The following ITPKC variants were observed in gnomAD, a reference collection of about 807,000 sequenced individuals.
ITPKC encodes inositol-trisphosphate 3-kinase C, also known as IP3 3-kinase C.
A neutral mutation model predicts 67.1 loss-of-function variants in ITPKC; 33 were observed. The observed-to-expected ratio is 0.49, with a 90% CI of 0.37 to 0.66. ITPKC has a LOEUF of 0.66. Ranked by LOEUF, ITPKC falls within the 30% of genes least tolerant of loss-of-function variation. The probability of loss-of-function intolerance (pLI) is 0.00; values close to 1 mark genes in which losing one functional copy is unlikely to be tolerated. For synonymous variants in ITPKC, 341 were observed against 359.8 expected (o/e 0.95, Z 0.59); for missense variants, 820 against 892.1 (o/e 0.92, Z 1.03).
chr19:40,730,991 A>G (rs2082268088), intron 3 of ITPKC, among the ~76,000 whole-genome samples: 1 of 151,522 alleles, frequency 6.6e-6, no homozygotes, highest in Non-Finnish European at 1.5e-5. Context: ...TACAGACACC[A>G]GTCATAAGTT....
intron 1 of ITPKC, among the ~76,000 whole-genome samples, chr19:40,720,768 G>A (rs2082218287): frequency 6.6e-6 from 1 of 151,960 alleles, no homozygotes; most frequent in Admixed American, 6.6e-5. Flanking sequence ...ACACTCTTCT[G>A]TTGTCCTGCC....
Position 40,718,193 on chromosome 19 carries a change from G to A in ITPKC, c.1058G>A (p.Gly353Asp). ...PVGPPSRVEGGSGGFSSASSF... is the reference protein window; with the variant it reads ...PVGPPSRVEGDSGGFSSASSF... Reference sequence around the variant, plus strand: ...GGACCCCCCTCCCGGGTTGAGGGGGGCAGCGGCGGCTTCTCCTCTGCCTCT... The same window carrying A: ...GGACCCCCCTCCCGGGTTGAGGGGGACAGCGGCGGCTTCTCCTCTGCCTCT... The change falls in exon 1 of 7, where the codon GGC becomes GAC. Residue 353 changes from glycine (G) to aspartate (D), a missense_variant. By Grantham distance (94) the Gly-to-Asp change is moderately conservative. Coordinates refer to ENST00000263370, the MANE Select transcript of ITPKC (RefSeq NM_025194.3). The A allele has an allele frequency of 1.3e-6, 2 of 1,573,486 alleles. No homozygotes were observed. Among genetic ancestry groups the A allele is most frequent in the Non-Finnish European group, 1.7e-6 (2 of 1,163,186 alleles).
chr19:40,722,551 G>A (rs1000243964), intron 1 of ITPKC, among the ~76,000 whole-genome samples: 3 of 152,092 alleles, frequency 2.0e-5, no homozygotes, highest in Admixed American at 6.6e-5. Flanking sequence ...ACACGTCCCT[G>A]ATCCTGGGGT....
Position 40,718,160 on chromosome 19 carries a change from A to C in ITPKC, c.1025A>C (p.Gln342Pro), listed in dbSNP as rs2082201258. ...CCTGAGACCCCTGAGCCTGAGGCCC[A>C]GCCAGTGGGACCCCCCTCCCGGGTT... ...ITPETPEPEA[Q>P]PVGPPSRVEG... The change falls in exon 1 of 7, where the codon CAG becomes CCG. Residue 342 changes from glutamine to proline, a missense_variant. Physicochemically the swap from Gln to Pro is moderately conservative, Grantham distance 76. Coordinates refer to ENST00000263370, the MANE Select transcript of ITPKC (RefSeq NM_025194.3). 1.3e-6 allele frequency: 2 copies of C among 1,596,642 alleles called. No individual in the cohort carries two copies. Among genetic ancestry groups the C allele is most frequent in the South Asian group, 2.2e-5 (2 of 90,478 alleles).
Position 40,729,302 on chromosome 19 carries a change from C to T in ITPKC, c.1356C>T (p.Phe452=), listed in dbSNP as rs757039960. The stretch of plus-strand genomic sequence containing the variant: ...TGATGAAAGACCCGCTGCGACCTTT[C>T]GTGCCTGCCTACTATGGCATGGTGC... ...EQLMKDPLRP[F]VPAYYGMVLQ... Residue 452 remains phenylalanine (F), a synonymous_variant, in exon 3 of 7, where the codon TTC becomes TTT. Transcript: ENST00000263370. 6.3e-5 allele frequency: 102 copies of T among 1,614,072 alleles called. No individual in the cohort carries two copies. Among genetic ancestry groups the T allele is most frequent in the Middle Eastern group, 4.9e-4 (3 of 6,084 alleles).
chr19:40,727,304 A>G (rs2082250515), intron 2 of ITPKC, among the ~76,000 whole-genome samples: 1 of 152,162 alleles, frequency 6.6e-6, no homozygotes, highest in Admixed American at 6.6e-5. Context: ...ACTGCACTCC[A>G]GCCTGGGTGA....
At chr19:40,720,132 G>C in intron 1 of ITPKC, among the ~76,000 whole-genome samples, 1 of 151,978 alleles carries the variant, frequency 6.6e-6, no homozygotes, top group South Asian at 2.1e-4. Context: ...TTGGGAGGCC[G>C]AGGCAGGGGG....
intron 6 of ITPKC, among the ~76,000 whole-genome samples, chr19:40,738,224 C>T (rs935027867): frequency 1.5e-4 from 23 of 152,004 alleles, no homozygotes; most frequent in African/African-American, 5.3e-4. Flanking sequence ...GTCAGGAGAT[C>T]GAGACCATCC....
intron 2 of ITPKC, among the ~76,000 whole-genome samples, chr19:40,726,307 C>G (rs141182844): frequency 0.019 from 2,937 of 152,142 alleles, 36 homozygotes; most frequent in Non-Finnish European, 0.028. Flanking sequence ...GCCTTCTCCG[C>G]GTGTTCAGAG....
Position 40,717,489 on chromosome 19 carries a change from C to T in ITPKC, c.354C>T (p.Ser118=). The T allele has an allele frequency of 6.2e-7, 1 of 1,614,170 alleles. No individual in the cohort carries two copies. The highest frequency in any genetic ancestry group is 8.5e-7 in the Non-Finnish European group (1 of 1,180,024). The part of the protein sequence containing the change: ...RPKQKTEPDR[S]SLRTHLEWSW... ...AGCAAAAGACGGAGCCAGACAGGTCCAGCCTCCGGACGCATCTAGAATGGA... is the reference window on the plus strand; with the variant it reads ...AGCAAAAGACGGAGCCAGACAGGTCTAGCCTCCGGACGCATCTAGAATGGA... The change falls in exon 1 of 7, where the codon TCC becomes TCT. Residue 118 remains serine (S), a synonymous_variant. Coordinates refer to ENST00000263370, the MANE Select transcript of ITPKC (RefSeq NM_025194.3).
Position 40,739,395 on chromosome 19 carries a change from C to A in ITPKC, c.1887C>A (p.Thr629=), listed in dbSNP as rs376988971. The A allele has an allele frequency of 6.2e-7, 1 of 1,613,780 alleles. No individual in the cohort carries two copies. Among genetic ancestry groups the A allele is most frequent in the Non-Finnish European group, 8.5e-7 (1 of 1,180,024 alleles). The change falls in exon 7 of 7, where the codon ACC becomes ACA. Residue 629 remains threonine (T), a synonymous_variant. Transcript: ENST00000263370. ...CCCTCCTCTTCGTGCACGACCACAC[C>A]GGCCTGGCCAAGGTCTGGATGATAG... ...GSSLLFVHDH[T]GLAKVWMIDF... is the part of the protein sequence containing the mutation.
intron 6 of ITPKC, among the ~76,000 whole-genome samples, chr19:40,738,624 A>T (rs2082306695): frequency 6.6e-6 from 1 of 152,178 alleles, no homozygotes; most frequent in African/African-American, 2.4e-5. Flanking sequence ...AGGCAGGAAG[A>T]GGGCTTGAGT....
chr19:40,737,641 G>C, intron 5 of ITPKC, 57 bp from the exon 6 acceptor site: 1 of 1,487,112 alleles, frequency 6.7e-7, no homozygotes, highest in Non-Finnish European at 9.4e-7. Flanking sequence ...AGAGCTCAAG[G>C]TGGGCAAGGC....
At chr19:40,737,194 TG>T in intron 5 of ITPKC, 107 bp downstream of exon 5, 1 of 784,056 alleles carries the variant, frequency 1.3e-6, no homozygotes, top group Non-Finnish European at 2.1e-6. Context: ...GGACTGATAC[TG>T]GCTGGCTTTG....
chr19:40,725,138 C>T (rs1263370006), intron 1 of ITPKC, among the ~76,000 whole-genome samples: 1 of 152,070 alleles, frequency 6.6e-6, no homozygotes, highest in Non-Finnish European at 1.5e-5. Flanking sequence ...TTTCCCCTAT[C>T]TTGCTGAGGG....
intron 3 of ITPKC, among the ~76,000 whole-genome samples, chr19:40,731,887 G>T (rs138948357): frequency 5.8e-4 from 89 of 152,150 alleles, no homozygotes; most frequent in African/African-American, 2.1e-3. Flanking sequence ...GCAGGAGGAG[G>T]TCAGAGATTT....
intron 1 of ITPKC, among the ~76,000 whole-genome samples, chr19:40,723,473 C>G (rs2082231863): frequency 6.6e-6 from 1 of 150,506 alleles, no homozygotes; most frequent in Non-Finnish European, 1.5e-5. Context: ...TTGTATCTCT[C>G]TCTTTTAGTC....
At chr19:40,732,151 C>T (rs1338924529) in intron 3 of ITPKC, among the ~76,000 whole-genome samples, 1 of 149,284 alleles carries the variant, frequency 6.7e-6, no homozygotes. Context: ...GTGGGAGGAT[C>T]ACTTGAACCC....
At position 40,717,940 on chromosome 19, in the gene ITPKC, A is replaced by G. The variant is rs2082199342; in HGVS notation, c.805A>G (p.Ile269Val). The change falls in exon 1 of 7, where the codon ATA (isoleucine) becomes GTA (valine). Residue 269 changes from isoleucine (I) to valine (V), a missense_variant. Ile to Val is a conservative substitution (Grantham distance 29). Around this residue, in one of 2 missense-constraint regions of ITPKC, gnomAD observed 481 missense variants for 470.1 expected, o/e 1.02. Transcript: ENST00000263370. ...ACAGCCTGGCACTGGTGGTTTCCAA[A>G]TACAACAGGATACTGATGGCTCCTG... is the stretch of plus-strand genomic sequence containing the variant. ...RKQPGTGGFQ[I>V]QQDTDGSWTQ... 1 of 1,614,080 alleles carries G rather than the reference A, an allele frequency of 6.2e-7. No homozygotes were observed. Among genetic ancestry groups the G allele is most frequent in the African/African-American group, 1.3e-5 (1 of 74,924 alleles).
Sources: gnomAD v4.1 joint callset for allele counts (sites outside exome capture counted in the v4.1 genomes callset) on GRCh38, gnomAD v4.1.1 for gene constraint, gnomAD v4.1.1 regional missense constraint, MANE v1.5 for transcripts, NCBI Gene and HGNC (gene_info 2026-07-23, HGNC 2026-07-21) for gene names.